EP300: variants seen among roughly 807,000 people sequenced by gnomAD.
The protein encoded by EP300 is histone acetyltransferase p300.
EP300 carries 31 observed loss-of-function variants against 264.0 expected under a neutral mutation model. The observed-to-expected ratio is 0.12, with a 90% CI of 0.09 to 0.16. EP300 has a LOEUF of 0.16. Among genes scored for constraint, EP300 ranks in the 10% least tolerant of loss-of-function variants. EP300 has a pLI of 1.00. For synonymous variants in EP300, 1,340 were observed against 1,045.4 expected, an observed-to-expected ratio of 1.28 and a Z score of -5.44; for missense variants, 2,766 against 3,052.9, an observed-to-expected ratio of 0.91 and a Z score of 2.21.
Position 41,179,687 on chromosome 22 carries a change from G to C in EP300, c.*731G>C, listed in dbSNP as rs1391232837. 8.7e-6 allele frequency: 2 copies of C among 229,422 alleles called. No homozygotes were observed. Among genetic ancestry groups the C allele is most frequent in the Non-Finnish European group, 1.7e-5 (2 of 115,684 alleles). 14.2% of individuals were successfully genotyped at this position (229,422 alleles called of 1,614,324 possible). ...ACTTTTTCAAAAATATACAGGGGCA[G>C]CTGCCAAATTGATGTATTATATATT... is the stretch of plus-strand genomic sequence containing the variant. On this transcript the variant is annotated 3_prime_UTR_variant, in exon 31 of 31. Transcript: ENST00000263253.
chr22:41,131,024 T>A (rs1459788647), intron 5 of EP300, among the ~76,000 whole-genome samples: 1 of 152,150 alleles, frequency 6.6e-6, no homozygotes, highest in African/African-American at 2.4e-5. Context: ...CCAATATAAT[T>A]CACTATTAAG....
intron 25 of EP300, chr22:41,169,129 ACTC>A: frequency 3.5e-6 from 2 of 575,188 alleles, no homozygotes; most frequent in South Asian, 4.0e-5. Context: ...CAAACGTACT[ACTC>A]TTCAGAAAAT....
intron 1 of EP300, among the ~76,000 whole-genome samples, chr22:41,116,388 C>T (rs1404725312): frequency 6.6e-6 from 1 of 152,106 alleles, no homozygotes; most frequent in East Asian, 1.9e-4. Context: ...CCAGCAGGCC[C>T]TGGTGTCTGA....
rs59721178 is a variant in EP300 at position 41,179,880 on chromosome 22, TCACACACACACACACACACACACACA to T, written c.*942_*967del. 45 of 167,078 alleles carry T rather than the reference TCACACACACACACACACACACACACA, an allele frequency of 2.7e-4. No individual in the cohort carries two copies. The highest frequency in any genetic ancestry group is 4.5e-4 in the African/African-American group (18 of 39,790). 10.3% of individuals were successfully genotyped at this position (167,078 alleles called of 1,614,324 possible). ...TCTTCCTCCTTACCCTACCCCCCAC[TCACACACACACACACACACACACACA>T]CACACACACACACACACTTTCTATA... On this transcript the variant is annotated 3_prime_UTR_variant, in exon 31 of 31. Coordinates refer to ENST00000263253, the MANE Select transcript of EP300 (RefSeq NM_001429.4).
intron 1 of EP300, among the ~76,000 whole-genome samples, chr22:41,098,674 G>T (rs1041486673): frequency 1.3e-5 from 2 of 152,112 alleles, no homozygotes; most frequent in Non-Finnish European, 2.9e-5. Flanking sequence ...CCTGGCCCTA[G>T]AAGTAATTTT....
At position 41,177,981 on chromosome 22, in the gene EP300, C is replaced by T; in HGVS notation, c.6270C>T (p.Ala2090=). The change falls in exon 31 of 31, where the codon GCC becomes GCT. Residue 2090 remains alanine (A), a synonymous_variant. Coordinates refer to ENST00000263253, the MANE Select transcript of EP300 (RefSeq NM_001429.4). The stretch of plus-strand genomic sequence containing the variant: ...CTGCATTCATCAAGCAGCGGGCTGC[C>T]AAGTATGCCAACTCTAATCCACAAC... ...LLAAFIKQRA[A]KYANSNPQPI... 6.2e-7 allele frequency: 1 copy of T among 1,614,182 alleles called. No individual in the cohort carries two copies. The highest frequency in any genetic ancestry group is 8.5e-7 in the Non-Finnish European group (1 of 1,180,026).
chr22:41,176,803 A>T lies in EP300; in HGVS notation c.5092A>T (p.Thr1698Ser), dbSNP rs549834848. 6.2e-7 allele frequency: 1 copy of T among 1,614,092 alleles called. No homozygotes were observed. The highest frequency in any genetic ancestry group is 8.5e-7 in the Non-Finnish European group (1 of 1,180,034). ...DYDLCITCYN[T>S]KNHDHKMEKL... The stretch of plus-strand genomic sequence containing the variant: ...TGACTTGTGTATCACCTGCTATAAC[A>T]CTAAAAACCATGACCACAAAATGGA... The change falls in exon 31 of 31, where the codon ACT becomes TCT. Residue 1698 changes from threonine to serine, a missense_variant. Transcript: ENST00000263253.
chr22:41,151,868 A>G lies in EP300; in HGVS notation c.2853A>G (p.Val951=), dbSNP rs773153495. The change falls in exon 15 of 31, where the codon GTA becomes GTG. Residue 951 remains valine (V), a synonymous_variant. Transcript: ENST00000263253. ...CAGCTGTAAGCATTGAAGGACAGGT[A>G]TCAAATCCTCCATCTACTAGTAGCA... ...SQPAVSIEGQ[V]SNPPSTSSTE... The G allele has an allele frequency of 1.2e-6, 2 of 1,614,154 alleles. No individual in the cohort carries two copies. The highest frequency in any genetic ancestry group is 1.7e-6 in the Non-Finnish European group (2 of 1,180,022).
Position 41,140,187 on chromosome 22 carries a change from G to A in EP300, c.1808G>A (p.Arg603Lys). ...CCGGATCCTGCTGCTTTAAAAGACA[G>A]ACGGATGGAAAACCTAGTTGCATAT... Reference protein sequence around the residue: ...PTPDPAALKDRRMENLVAYAR... With the variant: ...PTPDPAALKDKRMENLVAYAR... Residue 603 changes from arginine (R) to lysine (K), a missense_variant, in exon 9 of 31, where the codon AGA becomes AAA. Physicochemically the swap from Arg to Lys is conservative, Grantham distance 26. Coordinates refer to ENST00000263253, the MANE Select transcript of EP300 (RefSeq NM_001429.4). The A allele has an allele frequency of 1.2e-6, 2 of 1,614,172 alleles. No homozygotes were observed. Among genetic ancestry groups the A allele is most frequent in the African/African-American group, 1.3e-5 (1 of 75,058 alleles).
chr22:41,105,605 G>A (rs993954953), intron 1 of EP300, among the ~76,000 whole-genome samples: 1 of 151,906 alleles, frequency 6.6e-6, no homozygotes, highest in Non-Finnish European at 1.5e-5. Context: ...CACTATGTTG[G>A]CCAGGCTGGT....
intron 1 of EP300, among the ~76,000 whole-genome samples, chr22:41,107,050 G>A (rs182415641): frequency 6.6e-6 from 1 of 152,220 alleles, no homozygotes; most frequent in Admixed American, 6.5e-5. Flanking sequence ...GGGATTACAG[G>A]CGTGCACCAT....
At chr22:41,154,815 A>G (rs956535066) in intron 16 of EP300, among the ~76,000 whole-genome samples, 180 bp from the exon 17 acceptor site, 1 of 152,204 alleles carries the variant, frequency 6.6e-6, no homozygotes, top group African/African-American at 2.4e-5. Flanking sequence ...GCTGTCTGAA[A>G]CAAAGCGGGG....
intron 1 of EP300, among the ~76,000 whole-genome samples, chr22:41,096,861 C>G (rs1055173779): frequency 6.6e-6 from 1 of 152,060 alleles, no homozygotes; most frequent in Non-Finnish European, 1.5e-5. Flanking sequence ...TCAGGTGATC[C>G]ACCCGCCTCA....
At chr22:41,155,604 C>G (rs980734420) in intron 17 of EP300, among the ~76,000 whole-genome samples, 4 of 152,140 alleles carry the variant, frequency 2.6e-5, no homozygotes, top group South Asian at 2.1e-4. Context: ...TGAAAAAAAT[C>G]CTTTACCATT....
rs886057586 is a variant in EP300, at chr22:41,179,894, A to C, written c.*938A>C. 1.9e-3 allele frequency: 204 copies of C among 105,492 alleles called. 8 individuals are homozygous for C. The highest frequency in any genetic ancestry group is 0.014 in the East Asian group (88 of 6,492). The allele number at this position is 105,492 out of a possible 1,614,324, so 6.5% of individuals were successfully genotyped here. A position where few individuals can be genotyped will look rare whatever the true frequency, so the allele number is the denominator to read the frequency against. ...CTACCCCCCACTCACACACACACAC[A>C]CACACACACACACACACACACACAC... On this transcript the variant is annotated 3_prime_UTR_variant, in exon 31 of 31. Transcript: ENST00000263253.
In EP300 at chr22:41,137,753, A is replaced by G; in HGVS notation, c.1723A>G (p.Ile575Val). The G allele has an allele frequency of 6.2e-7, 1 of 1,614,212 alleles. No homozygotes were observed. Among genetic ancestry groups the G allele is most frequent in the Non-Finnish European group, 8.5e-7 (1 of 1,180,038 alleles). ...TGIRKQWHED[I>V]TQDLRNHLVH... Reference sequence around the variant, plus strand: ...AATTCGGAAACAGTGGCACGAAGATATTACTCAGGATCTTCGAAATCATCT... The same window carrying G: ...AATTCGGAAACAGTGGCACGAAGATGTTACTCAGGATCTTCGAAATCATCT... The change falls in exon 8 of 31, where the codon ATT becomes GTT. Residue 575 changes from isoleucine (I) to valine (V), a missense_variant. By Grantham distance (29) the Ile-to-Val change is conservative. Coordinates refer to ENST00000263253, the MANE Select transcript of EP300 (RefSeq NM_001429.4).
chr22:41,104,326 G>A (rs1013594618), intron 1 of EP300, among the ~76,000 whole-genome samples: 1 of 151,354 alleles, frequency 6.6e-6, no homozygotes, highest in Non-Finnish European at 1.5e-5. Context: ...GTCTTGCTCT[G>A]TTGCCCAGGC....
intron 1 of EP300, among the ~76,000 whole-genome samples, chr22:41,102,087 C>T (rs180781444): frequency 7.0e-6 from 1 of 141,970 alleles, no homozygotes; most frequent in Admixed American, 7.4e-5. Flanking sequence ...TTATGACCCA[C>T]TGTTGGCTTT....
chr22:41,098,665 C>T (rs1435251509), intron 1 of EP300, among the ~76,000 whole-genome samples: 2 of 152,174 alleles, frequency 1.3e-5, no homozygotes, highest in Non-Finnish European at 1.5e-5. Flanking sequence ...GCCATAGCAC[C>T]TGGCCCTAGA....
Sources: allele counts gnomAD v4.1 joint callset (sites outside exome capture counted in the v4.1 genomes callset), GRCh38; gene constraint gnomAD v4.1.1; transcripts MANE v1.5; gene names NCBI Gene and HGNC (gene_info 2026-07-23, HGNC 2026-07-21).